UBE2G1: variants seen among roughly 807,000 people sequenced by gnomAD.
The protein encoded by UBE2G1 is ubiquitin conjugating enzyme E2 G1, also known as ubiquitin-conjugating enzyme E2 G1.
UBE2G1 carries 5 observed loss-of-function variants against 22.7 expected under a neutral mutation model. That is an observed-to-expected ratio of 0.22 (90% CI 0.12 to 0.46). UBE2G1 has a LOEUF of 0.46. Among genes scored for constraint, UBE2G1 ranks in the 20% least tolerant of loss-of-function variants. The probability of loss-of-function intolerance (pLI) is 0.99; values close to 1 mark genes in which losing one functional copy is unlikely to be tolerated. For missense variants in UBE2G1, 88 were observed against 203.9 expected (o/e 0.43, Z 3.46); for synonymous variants, 74 against 67.5 (o/e 1.10, Z -0.47).
Position 4,319,154 on chromosome 17 carries a change from T to A in UBE2G1, c.47-12031A>T, listed in dbSNP as rs568559182. The stretch of plus-strand genomic sequence containing the variant: ...CTGAAGAGATCAGAATATTAAAATG[T>A]CATAAATCTATAAAGCTTTCTATAA... On this transcript the variant is annotated intron_variant, in intron 1 of 5. Transcript: ENST00000396981. Among the ~76,000 whole-genome samples the A allele has an allele frequency of 3.3e-5, 5 of 152,332 alleles. No individual in the cohort carries two copies. The South Asian group carries it at 6.2e-4, about 19-fold the overall frequency.
chr17:4,278,581 T>G (rs1968848196), intron 5 of UBE2G1, among the ~76,000 whole-genome samples: 1 of 152,240 alleles, frequency 6.6e-6, no homozygotes, highest in Non-Finnish European at 1.5e-5. Context: ...ATCAGACAGA[T>G]GAGTGAAATA....
chr17:4,316,778 A>T lies in UBE2G1; in HGVS notation c.47-9655T>A, dbSNP rs553147424. ...GGTGGGAGGATCGCTTAAGGGCAGG[A>T]GTTCAAGACCAGCCTAGGCAACAGC... On this transcript the variant is annotated intron_variant, in intron 1 of 5. Transcript: ENST00000396981. Among the ~76,000 whole-genome samples the T allele has an allele frequency of 2.0e-5, 3 of 152,006 alleles. No individual in the cohort carries two copies. In the South Asian group the frequency reaches 6.2e-4, roughly 32 times the overall value.
At chr17:4,348,838 G>C (rs1041562621) in intron 1 of UBE2G1, among the ~76,000 whole-genome samples, 1 of 151,740 alleles carries the variant, frequency 6.6e-6, no homozygotes, top group African/African-American at 2.4e-5. Flanking sequence ...TCCAGCCTGG[G>C]AGACACAACA....
chr17:4,285,988 C>A (rs914441725), intron 4 of UBE2G1, among the ~76,000 whole-genome samples: 5 of 151,190 alleles, frequency 3.3e-5, no homozygotes, highest in East Asian at 1.9e-4. Flanking sequence ...AAGAAAGGGA[C>A]CCAGGAGAGA....
At chr17:4,363,949 T>A (rs1969999080) in intron 1 of UBE2G1, among the ~76,000 whole-genome samples, 2 of 33,222 alleles carry the variant, frequency 6.0e-5, no homozygotes, top group East Asian at 7.6e-4. Flanking sequence ...AGACTCCGTC[T>A]CAAAAAAAAA....
intron 1 of UBE2G1, among the ~76,000 whole-genome samples, chr17:4,331,492 T>C (rs1969577492): frequency 2.0e-5 from 3 of 152,196 alleles, no homozygotes; most frequent in Non-Finnish European, 4.4e-5. Context: ...ATTCTGAATA[T>C]ATCTAACTCT....
Position 4,310,391 on chromosome 17 carries a change from T to A in UBE2G1, c.47-3268A>T, listed in dbSNP as rs77001224. Among the ~76,000 whole-genome samples the A allele has an allele frequency of 2.0e-5, 3 of 152,042 alleles. No individual in the cohort carries two copies. The East Asian group carries it at 5.8e-4, about 29-fold the overall frequency. On this transcript the variant is annotated intron_variant, in intron 1 of 5. Coordinates refer to ENST00000396981, the MANE Select transcript of UBE2G1 (RefSeq NM_003342.5). ...AAAAGAAGGGCACATAACATAATCATGAAGAATAAGAAAAGGCTTCTAAAA... is the reference window on the plus strand; with the variant it reads ...AAAAGAAGGGCACATAACATAATCAAGAAGAATAAGAAAAGGCTTCTAAAA...
chr17:4,364,743 A>AT (rs1247937569), intron 1 of UBE2G1, among the ~76,000 whole-genome samples: 1 of 151,596 alleles, frequency 6.6e-6, no homozygotes, highest in African/African-American at 2.4e-5. Context: ...CCACGCCCGA[A>AT]TAATTTTTTG....
intron 1 of UBE2G1, among the ~76,000 whole-genome samples, chr17:4,354,557 G>C (rs1969883053): frequency 6.6e-6 from 1 of 152,136 alleles, no homozygotes. Flanking sequence ...GAGAAGGAAA[G>C]GGCTCGAGTT....
At chr17:4,341,704 T>C (rs1969714612) in intron 1 of UBE2G1, among the ~76,000 whole-genome samples, 1 of 152,232 alleles carries the variant, frequency 6.6e-6, no homozygotes, top group Non-Finnish European at 1.5e-5. Context: ...CTCCACTTGC[T>C]GCTCTCCTTC....
intron 5 of UBE2G1, among the ~76,000 whole-genome samples, chr17:4,274,744 A>G (rs547090061): frequency 6.6e-6 from 1 of 152,316 alleles, no homozygotes; most frequent in South Asian, 2.1e-4. Flanking sequence ...TAGAAAATCA[A>G]AAGACATACA....
intron 1 of UBE2G1, among the ~76,000 whole-genome samples, chr17:4,323,959 A>G (rs925196692): frequency 1.3e-5 from 2 of 152,216 alleles, no homozygotes; most frequent in African/African-American, 4.8e-5. Flanking sequence ...GGCAAGGATG[A>G]TCAATGGATG....
chr17:4,356,804 C>T (rs923301200), intron 1 of UBE2G1, among the ~76,000 whole-genome samples: 4 of 152,164 alleles, frequency 2.6e-5, no homozygotes, highest in Admixed American at 6.5e-5. Flanking sequence ...ATAGAGCAAC[C>T]ATGTAGTTGT....
chr17:4,324,320 G>A (rs1035981965), intron 1 of UBE2G1, among the ~76,000 whole-genome samples: 8 of 152,292 alleles, frequency 5.3e-5, no homozygotes, highest in African/African-American at 1.9e-4. Flanking sequence ...TACTTAACAT[G>A]TGCTGCAAAT....
intron 2 of UBE2G1, chr17:4,301,841 A>C (rs1969183934): frequency 1.9e-6 from 1 of 514,408 alleles, no homozygotes; most frequent in Non-Finnish European, 3.8e-6. Flanking sequence ...TAGAATTGGA[A>C]GTACGGTAAA....
At chr17:4,297,196 T>C (rs1969122449) in intron 2 of UBE2G1, among the ~76,000 whole-genome samples, 1 of 152,240 alleles carries the variant, frequency 6.6e-6, no homozygotes, top group African/African-American at 2.4e-5. Flanking sequence ...CGTCTTTCTA[T>C]TCCTCAAACA....
chr17:4,339,726 G>A (rs1305339534), intron 1 of UBE2G1, among the ~76,000 whole-genome samples: 1 of 152,082 alleles, frequency 6.6e-6, no homozygotes, highest in Non-Finnish European at 1.5e-5. Context: ...GCACATGCCT[G>A]TAATGCCAGC....
chr17:4,276,024 T>C (rs1024419204), intron 5 of UBE2G1, among the ~76,000 whole-genome samples: 1 of 152,186 alleles, frequency 6.6e-6, no homozygotes, highest in African/African-American at 2.4e-5. Flanking sequence ...TGTACCCTAA[T>C]TGTGCAGTCT....
intron 1 of UBE2G1, among the ~76,000 whole-genome samples, chr17:4,319,382 G>GTAGGTAAGTAACAGTGACGTGAAGAAA (rs1969410715): frequency 6.6e-6 from 1 of 152,200 alleles, no homozygotes; most frequent in Non-Finnish European, 1.5e-5. Context: ...AATACTCATT[G>GTAGGTAAGTAACAGTGACGTGAAGAAA]TAGGTAAGTA....
Sources: gnomAD v4.1 joint callset for allele counts (sites outside exome capture counted in the v4.1 genomes callset) on GRCh38, gnomAD v4.1.1 for gene constraint, MANE v1.5 for transcripts, NCBI Gene and HGNC (gene_info 2026-07-23, HGNC 2026-07-21) for gene names.